The following GALNT13 variants were observed in gnomAD, a reference collection of about 807,000 sequenced individuals.
The protein encoded by GALNT13 is polypeptide N-acetylgalactosaminyltransferase 13.
Under a neutral mutation model 64.2 loss-of-function variants are expected in GALNT13, and 28 were observed. The observed-to-expected ratio is 0.44, with a 90% CI of 0.32 to 0.60. GALNT13 has a LOEUF of 0.60. Among genes scored for constraint, GALNT13 ranks in the 20% least tolerant of loss-of-function variants. The probability of loss-of-function intolerance (pLI) is 0.05; values close to 1 mark genes in which losing one functional copy is unlikely to be tolerated. For synonymous variants in GALNT13, 214 were observed against 224.6 expected, an observed-to-expected ratio of 0.95 and a Z score of 0.42; for missense variants, 577 against 669.8, an observed-to-expected ratio of 0.86 and a Z score of 1.53.
intron 9 of GALNT13, among the ~76,000 whole-genome samples, chr2:154,324,182 T>A (rs979739514): frequency 1.3e-5 from 2 of 151,856 alleles, no homozygotes; most frequent in East Asian, 3.9e-4. Flanking sequence ...TGAAATTGAT[T>A]TTTTTTTGTC....
intron 10 of GALNT13, among the ~76,000 whole-genome samples, chr2:154,404,301 T>G (rs1559136758): frequency 6.6e-6 from 1 of 152,206 alleles, no homozygotes; most frequent in Admixed American, 6.5e-5. Flanking sequence ...CTGGAAAAAT[T>G]GGTGGCAGCA....
chr2:153,845,254 G>T, the GALNT13 span, among the ~76,000 whole-genome samples: 3 of 152,122 alleles, frequency 2.0e-5, no homozygotes. Context: ...ATGAATAGAG[G>T]ATTAATTGGC....
the GALNT13 span, among the ~76,000 whole-genome samples, chr2:153,529,684 G>A: frequency 6.6e-6 from 1 of 151,720 alleles, no homozygotes; most frequent in African/African-American, 2.4e-5. Context: ...AAATTCAACG[G>A]TATGTGGAAA....
At chr2:153,399,250 T>A in the GALNT13 span, among the ~76,000 whole-genome samples, 7 of 151,806 alleles carry the variant, frequency 4.6e-5, no homozygotes, top group Non-Finnish European at 1.0e-4. Flanking sequence ...GCGGCGTTAT[T>A]TCTGAGGGCT....
intron 9 of GALNT13, among the ~76,000 whole-genome samples, chr2:154,385,921 T>C (rs1698492918): frequency 1.3e-5 from 2 of 152,048 alleles, no homozygotes; most frequent in African/African-American, 4.8e-5. Context: ...TTCCTGCTTC[T>C]GAGTCCACAA....
At chr2:154,421,394 T>C (rs941074964) in intron 11 of GALNT13, among the ~76,000 whole-genome samples, 1 of 152,098 alleles carries the variant, frequency 6.6e-6, no homozygotes, top group South Asian at 2.1e-4. Context: ...GTTTTAGATA[T>C]GTCATTTAAA....
chr2:153,757,825 C>T, the GALNT13 span, among the ~76,000 whole-genome samples: 2 of 152,088 alleles, frequency 1.3e-5, no homozygotes, highest in Non-Finnish European at 2.9e-5. Context: ...TTTTTTAAAT[C>T]AGGTTATTTG....
In GALNT13 at chr2:153,902,022, A is replaced by G. The variant is rs142615721; in HGVS notation, c.-105+1015A>G. 5.1e-4 allele frequency among the ~76,000 whole-genome samples: 77 copies of G among 152,192 alleles called. No homozygotes were observed. The Middle Eastern group carries it at 0.014, about 27-fold the overall frequency. Reference sequence around the variant, plus strand: ...TCAGATGTGTAGTGTTCATAGTACTATCCTTTACATCACACTGGCCACATT... The same window carrying G: ...TCAGATGTGTAGTGTTCATAGTACTGTCCTTTACATCACACTGGCCACATT... On this transcript the variant is annotated intron_variant, in intron 2 of 12. Coordinates refer to ENST00000392825, the MANE Select transcript of GALNT13 (RefSeq NM_052917.4).
At chr2:154,157,776 A>T (rs1458622923) in intron 4 of GALNT13, among the ~76,000 whole-genome samples, 1 of 152,118 alleles carries the variant, frequency 6.6e-6, no homozygotes, top group East Asian at 1.9e-4. Flanking sequence ...GTCACTAATG[A>T]TTGCTATGGT....
chr2:154,287,140 G>T, intron 8 of GALNT13: 1 of 1,417,070 alleles, frequency 7.1e-7, no homozygotes, highest in Non-Finnish European at 9.8e-7. Flanking sequence ...CCTTTGAGAA[G>T]GAGTTCACAG....
chr2:153,524,954 C>T, the GALNT13 span, among the ~76,000 whole-genome samples: 2 of 152,170 alleles, frequency 1.3e-5, no homozygotes, highest in Non-Finnish European at 2.9e-5. Context: ...CTCCCCTAAT[C>T]GCAGGCTATA....
At chr2:153,938,574 G>A (rs973119369) in intron 2 of GALNT13, among the ~76,000 whole-genome samples, 1 of 152,142 alleles carries the variant, frequency 6.6e-6, no homozygotes, top group Non-Finnish European at 1.5e-5. Context: ...GTTTGCTGGG[G>A]CTGCCCTAAT....
intron 3 of GALNT13, among the ~76,000 whole-genome samples, chr2:154,054,556 T>C (rs777113603): frequency 6.6e-6 from 1 of 152,072 alleles, no homozygotes; most frequent in Non-Finnish European, 1.5e-5. Flanking sequence ...ATTTTCATTT[T>C]AAAAAAATTA....
At chr2:153,884,821 A>ATATATGTGTGTGTGTGTG in intron 1 of GALNT13, among the ~76,000 whole-genome samples, 1 of 67,732 alleles carries the variant, frequency 1.5e-5, no homozygotes, top group African/African-American at 5.0e-5. Context: ...GTGTGTGTGT[A>ATATATGTGTGTGTGTGTG]TATATATGTG....
At chr2:154,230,870 A>G (rs1032219661) in intron 4 of GALNT13, among the ~76,000 whole-genome samples, 2 of 152,096 alleles carry the variant, frequency 1.3e-5, no homozygotes, top group African/African-American at 4.8e-5. Context: ...AGTTCAATCC[A>G]GATACTAAAT....
the GALNT13 span, among the ~76,000 whole-genome samples, chr2:153,408,277 T>C: frequency 1.1e-4 from 16 of 152,130 alleles, no homozygotes; most frequent in African/African-American, 3.9e-4. Context: ...GTGGAGGGGT[T>C]GCTTTCATAC....
the GALNT13 span, among the ~76,000 whole-genome samples, chr2:153,324,104 G>T: frequency 6.6e-6 from 1 of 152,086 alleles, no homozygotes; most frequent in Non-Finnish European, 1.5e-5. Flanking sequence ...TCACAATATT[G>T]ATTCTTCTTA....
At chr2:153,618,213 A>G in the GALNT13 span, among the ~76,000 whole-genome samples, 3 of 151,656 alleles carry the variant, frequency 2.0e-5, no homozygotes, top group Admixed American at 6.6e-5. Flanking sequence ...AGGCTTTGGT[A>G]TGTTGTGTTT....
the GALNT13 span, among the ~76,000 whole-genome samples, chr2:153,431,138 A>G: frequency 6.7e-6 from 1 of 149,770 alleles, no homozygotes; most frequent in Non-Finnish European, 1.5e-5. Flanking sequence ...CAACAGAGAG[A>G]GACTCTGTCA....
Sources: gnomAD v4.1 joint callset for allele counts (sites outside exome capture counted in the v4.1 genomes callset) on GRCh38, gnomAD v4.1.1 for gene constraint, MANE v1.5 for transcripts, NCBI Gene and HGNC (gene_info 2026-07-23, HGNC 2026-07-21) for gene names.